Variants in USP53 observed in about 807,000 individuals in gnomAD.
USP53 encodes the protein ubiquitin specific peptidase 53.
USP53 carries 71 observed loss-of-function variants against 94.9 expected under a neutral mutation model. The observed-to-expected ratio is 0.75, with a 90% CI of 0.62 to 0.91. USP53 has a LOEUF of 0.91. Among genes scored for constraint, USP53 ranks in the 40% least tolerant of loss-of-function variants. USP53 has a pLI of 0.00. For synonymous variants in USP53, 375 were observed against 422.7 expected (o/e 0.89, Z 1.39); for missense variants, 1,173 against 1,281.0 (o/e 0.92, Z 1.29).
At chr4:119,237,606 A>C (rs1469144548) in intron 4 of USP53, among the ~76,000 whole-genome samples, 1 of 151,938 alleles carries the variant, frequency 6.6e-6, no homozygotes, top group African/African-American at 2.4e-5. Flanking sequence ...GAAGCCAGGC[A>C]TTGACTTCTT....
rs1286450401 is a variant in USP53, at chr4:119,235,348, A to C, written c.-606A>C. 1 of 152,248 alleles carries C rather than the reference A, an allele frequency of 6.6e-6. No individual in the cohort carries two copies. The allele number at this position is 152,248 out of a possible 1,614,324, so 9.4% of individuals were successfully genotyped here. Reference sequence around the variant, plus strand: ...CAGTGGTGCAGTCTTAGCTTACTGCAGCCTCAAACTTCTGGGCTCAAGTAA... The same window carrying C: ...CAGTGGTGCAGTCTTAGCTTACTGCCGCCTCAAACTTCTGGGCTCAAGTAA... On this transcript the variant is annotated 5_prime_UTR_variant, in exon 4 of 19. Coordinates refer to ENST00000692078, the MANE Select transcript of USP53 (RefSeq NM_001371395.1).
chr4:119,280,045 A>G (rs1753309594), intron 17 of USP53, among the ~76,000 whole-genome samples: 1 of 152,198 alleles, frequency 6.6e-6, no homozygotes, highest in Non-Finnish European at 1.5e-5. Flanking sequence ...ATGGAAATGC[A>G]GAAATCACCC....
intron 12 of USP53, among the ~76,000 whole-genome samples, chr4:119,265,055 C>G (rs911508836): frequency 6.6e-6 from 1 of 152,148 alleles, no homozygotes; most frequent in Admixed American, 6.5e-5. Flanking sequence ...TGACTACATG[C>G]TATGATTCCA....
At chr4:119,279,822 G>C (rs1046834414) in intron 17 of USP53, among the ~76,000 whole-genome samples, 2 of 152,148 alleles carry the variant, frequency 1.3e-5, no homozygotes, top group East Asian at 1.9e-4. Context: ...TTTTTAAGCC[G>C]GTCCGAAAAG....
intron 3 of USP53, among the ~76,000 whole-genome samples, chr4:119,224,384 G>GA (rs749372092): frequency 5.9e-5 from 9 of 152,188 alleles, no homozygotes; most frequent in Non-Finnish European, 1.2e-4. Context: ...TGTTAATAAT[G>GA]AATTGTCAGA....
chr4:119,279,255 A>T (rs1237539000), intron 17 of USP53, among the ~76,000 whole-genome samples: 2 of 110,666 alleles, frequency 1.8e-5, no homozygotes, highest in Non-Finnish European at 3.7e-5. Flanking sequence ...GTCTTTGATG[A>T]TGGTGATGTA....
chr4:119,248,384 T>C, intron 6 of USP53, among the ~76,000 whole-genome samples: 1 of 126,442 alleles, frequency 7.9e-6, no homozygotes, highest in Admixed American at 8.1e-5. Flanking sequence ...TTTCTACACT[T>C]GATGATACAA....
chr4:119,244,535 C>G (rs62328371), intron 5 of USP53, among the ~76,000 whole-genome samples: 33,024 of 152,042 alleles, frequency 0.22, 4,112 homozygotes, highest in South Asian at 0.32. Context: ...CATTGCATGC[C>G]AGTTGAGTAC....
At chr4:119,231,855 G>A (rs758543193) in intron 3 of USP53, among the ~76,000 whole-genome samples, 1 of 152,170 alleles carries the variant, frequency 6.6e-6, no homozygotes, top group African/African-American at 2.4e-5. Flanking sequence ...TAGAGACTCA[G>A]TGCTTAACAT....
chr4:119,245,479 A>G, intron 6 of USP53, 50 bp downstream of exon 6: 1 of 1,560,502 alleles, frequency 6.4e-7, no homozygotes, highest in East Asian at 2.2e-5. Flanking sequence ...TCCTTCAAAA[A>G]TTTAAGTTTG....
rs1755165622 is a variant in USP53, at chr4:119,295,481, T to C, written c.*2270T>C. On this transcript the variant is annotated 3_prime_UTR_variant, in exon 19 of 19. Coordinates refer to ENST00000692078, the MANE Select transcript of USP53 (RefSeq NM_001371395.1). ...TTCATGTGAAATCAATTTCTTCTAA[T>C]TCAAAAAAATTTTAAGATAAACTGA... 6.6e-6 allele frequency: 1 copy of C among 152,220 alleles called. No individual in the cohort carries two copies. The highest frequency in any genetic ancestry group is 2.4e-5 in the African/African-American group (1 of 41,470). The allele number at this position is 152,220 out of a possible 1,614,324, so 9.4% of individuals were successfully genotyped here. A position where few individuals can be genotyped will look rare whatever the true frequency, so the allele number is the denominator to read the frequency against.
chr4:119,286,257 C>CTT (rs35726779), intron 17 of USP53, among the ~76,000 whole-genome samples: 19 of 150,508 alleles, frequency 1.3e-4, no homozygotes, highest in Admixed American at 1.2e-3. Context: ...AAACATAGGT[C>CTT]TTTTTTTTAG....
intron 17 of USP53, among the ~76,000 whole-genome samples, chr4:119,283,180 CCT>C (rs905157129): frequency 1.3e-5 from 2 of 151,826 alleles, no homozygotes; most frequent in Non-Finnish European, 2.9e-5. Flanking sequence ...TGTTTTAGCC[CCT>C]GTTTTAAAAT....
rs1453430200 is a variant in USP53 at position 119,292,620 on chromosome 4, T to A, written c.2631T>A (p.Ala877=). ...CTGTTGGGTTAAAGCCAGAAACTGC[T>A]CCTCTCATCCAGCAACAAAATATCA... ...LRTVGLKPET[A]PLIQQQNIMD... Residue 877 remains alanine, a synonymous_variant, in exon 19 of 19, where the codon GCT becomes GCA. Coordinates refer to ENST00000692078, the MANE Select transcript of USP53 (RefSeq NM_001371395.1). 1 of 1,613,954 alleles carries A rather than the reference T, an allele frequency of 6.2e-7. No homozygotes were observed. The highest frequency in any genetic ancestry group is 2.2e-5 in the East Asian group (1 of 44,896).
At position 119,239,701 on chromosome 4, in the gene USP53, C is replaced by T; in HGVS notation, c.-59C>T. On this transcript the variant is annotated 5_prime_UTR_variant, in exon 5 of 19. The change creates a premature stop within an existing upstream ORF in the 5' untranslated region. Coordinates refer to ENST00000692078, the MANE Select transcript of USP53 (RefSeq NM_001371395.1). ...AATTCAAGACATCCATTTTATTGTCCAAAATATTACATAAAAGTGTACAGT... is the reference window on the plus strand; with the variant it reads ...AATTCAAGACATCCATTTTATTGTCTAAAATATTACATAAAAGTGTACAGT... 6.6e-7 allele frequency: 1 copy of T among 1,524,928 alleles called. No individual in the cohort carries two copies. The highest frequency in any genetic ancestry group is 8.8e-7 in the Non-Finnish European group (1 of 1,135,958). 94.5% of individuals were successfully genotyped at this position (1,524,928 alleles called of 1,614,324 possible). A position where few individuals can be genotyped will look rare whatever the true frequency, so the allele number is the denominator to read the frequency against.
chr4:119,232,235 T>C lies in USP53; in HGVS notation c.-664-3055T>C, dbSNP rs906992079. Among the ~76,000 whole-genome samples, 8 of 152,356 alleles carry C rather than the reference T, an allele frequency of 5.3e-5. 1 individual carries two copies. Among genetic ancestry groups the C allele is most frequent in the African/African-American group, 1.9e-4 (8 of 41,580 alleles). The stretch of plus-strand genomic sequence containing the variant: ...TACATTACCACAGTCAATTTTGGAA[T>C]ATTCTTACTACCTCAGAAAGAAACT... On this transcript the variant is annotated intron_variant, in intron 3 of 18. Coordinates refer to ENST00000692078, the MANE Select transcript of USP53 (RefSeq NM_001371395.1).
intron 17 of USP53, among the ~76,000 whole-genome samples, chr4:119,274,017 C>T (rs1269136900): frequency 1.4e-5 from 2 of 147,178 alleles, no homozygotes; most frequent in Admixed American, 6.7e-5. Flanking sequence ...GATTGGATAA[C>T]TATTGCTTTT....
chr4:119,268,478 C>G (rs1751460520), intron 14 of USP53, 58 bp downstream of exon 14: 2 of 1,446,334 alleles, frequency 1.4e-6, no homozygotes, highest in Non-Finnish European at 1.9e-6. Context: ...CCTTTCTTCA[C>G]TTATCGGAGG....
At chr4:119,219,527 G>A (rs1416631166) in intron 3 of USP53, 1 of 152,182 alleles carries the variant, frequency 6.6e-6, no homozygotes, top group Non-Finnish European at 1.5e-5. Flanking sequence ...GACATTCATA[G>A]GTCTGGGACT....
Sources: gnomAD v4.1 joint callset for allele counts (sites outside exome capture counted in the v4.1 genomes callset) on GRCh38, gnomAD v4.1.1 for gene constraint, MANE v1.5 for transcripts, NCBI Gene and HGNC (gene_info 2026-07-23, HGNC 2026-07-21) for gene names.